The following DRC11 variants were observed in gnomAD, a reference collection of about 807,000 sequenced individuals.
DRC11 encodes dynein regulatory complex subunit 11.
chr2:236,491,188 GTA>G, the DRC11 span, among the ~76,000 whole-genome samples: 1,294 of 24,336 alleles, frequency 0.053, 51 homozygotes, highest in Middle Eastern at 0.12. Context: ...TATACACACA[GTA>G]TATATATATA....
chr2:236,309,112 G>A, the DRC11 span, among the ~76,000 whole-genome samples: 3 of 152,288 alleles, frequency 2.0e-5, no homozygotes, highest in African/African-American at 7.2e-5. The surrounding 1 kb of genome is among the most constrained non-coding windows in gnomAD (Gnocchi z 5.7). Context: ...GAATACACGT[G>A]TTACCTGCGC....
the DRC11 span, among the ~76,000 whole-genome samples, chr2:236,478,421 T>G: frequency 6.6e-6 from 1 of 152,200 alleles, no homozygotes; most frequent in African/African-American, 2.4e-5. This position sits in a 1 kb window ranked among gnomAD's most constrained non-coding sequence, Gnocchi z 5.9. Context: ...TGATATGATT[T>G]CAAATTTTTA....
chr2:236,416,261 G>C, the DRC11 span, among the ~76,000 whole-genome samples: 2 of 152,156 alleles, frequency 1.3e-5, no homozygotes, highest in Non-Finnish European at 2.9e-5. Flanking sequence ...CAAGGTGAGG[G>C]GGCTGGGCTT....
At chr2:236,481,066 T>C in the DRC11 span, among the ~76,000 whole-genome samples, 2 of 152,340 alleles carry the variant, frequency 1.3e-5, no homozygotes, top group South Asian at 2.1e-4. Flanking sequence ...CTAGTGGTTT[T>C]TGCCCAGGGG....
chr2:236,324,527 C>T, the DRC11 span: 1 of 557,148 alleles, frequency 1.8e-6, no homozygotes, highest in Non-Finnish European at 3.2e-6. The surrounding 1 kb of genome is among the most constrained non-coding windows in gnomAD (Gnocchi z 5.7). Context: ...GCGGCATCAG[C>T]TCACCTGCAC....
At chr2:236,469,635 T>C in the DRC11 span, among the ~76,000 whole-genome samples, 2 of 152,238 alleles carry the variant, frequency 1.3e-5, no homozygotes, top group African/African-American at 4.8e-5. This position sits in a 1 kb window ranked among gnomAD's most constrained non-coding sequence, Gnocchi z 5.8. Flanking sequence ...AGACTTTCTC[T>C]GACAAAAATA....
chr2:236,400,884 C>G, the DRC11 span, among the ~76,000 whole-genome samples: 2 of 152,198 alleles, frequency 1.3e-5, no homozygotes, highest in African/African-American at 2.4e-5. The surrounding 1 kb of genome is among the most constrained non-coding windows in gnomAD (Gnocchi z 7.9). Context: ...CACCAAACCC[C>G]ACTGTTCTGC....
chr2:236,379,255 G>C, the DRC11 span, among the ~76,000 whole-genome samples: 1 of 151,954 alleles, frequency 6.6e-6, no homozygotes, highest in Admixed American at 6.6e-5. Context: ...GGAAGCGGAG[G>C]GAACCCCCAA....
the DRC11 span, among the ~76,000 whole-genome samples, chr2:236,354,222 A>ACATG: frequency 1.2e-4 from 7 of 59,368 alleles, no homozygotes; most frequent in African/African-American, 6.1e-4. Flanking sequence ...ATGTGTGTGC[A>ACATG]TGTGCGTATG....
the DRC11 span, among the ~76,000 whole-genome samples, chr2:236,447,269 A>G: frequency 6.4e-3 from 965 of 151,758 alleles, 54 homozygotes; most frequent in African/African-American, 0.023. This position sits in a 1 kb window ranked among gnomAD's most constrained non-coding sequence, Gnocchi z 4.6. Context: ...ATCACTGCAG[A>G]AGGAACTGGC....
At chr2:236,352,083 C>G in the DRC11 span, among the ~76,000 whole-genome samples, 1 of 152,132 alleles carries the variant, frequency 6.6e-6, no homozygotes, top group Non-Finnish European at 1.5e-5. This position sits in a 1 kb window ranked among gnomAD's most constrained non-coding sequence, Gnocchi z 7.0. Flanking sequence ...CGGGGCCACA[C>G]AGGGAAGACG....
At chr2:236,368,540 T>TA in the DRC11 span, 1 of 467,570 alleles carries the variant, frequency 2.1e-6, no homozygotes, top group East Asian at 3.9e-5. Flanking sequence ...TGATGTTGAC[T>TA]ATTATATTAG....
At chr2:236,352,423 C>CTGG in the DRC11 span, among the ~76,000 whole-genome samples, 36 of 152,038 alleles carry the variant, frequency 2.4e-4, no homozygotes, top group African/African-American at 8.2e-4. The surrounding 1 kb of genome is among the most constrained non-coding windows in gnomAD (Gnocchi z 7.0). Flanking sequence ...GGAGGATGGG[C>CTGG]TGGGAGGAGA....
the DRC11 span, among the ~76,000 whole-genome samples, chr2:236,499,280 C>T: frequency 6.6e-6 from 1 of 152,190 alleles, no homozygotes; most frequent in African/African-American, 2.4e-5. The surrounding 1 kb of genome is among the most constrained non-coding windows in gnomAD (Gnocchi z 4.7). Context: ...CCTCCAATTT[C>T]AGCCCTGTCC....
the DRC11 span, among the ~76,000 whole-genome samples, chr2:236,436,173 G>C: frequency 6.6e-6 from 1 of 152,072 alleles, no homozygotes; most frequent in South Asian, 2.1e-4. Context: ...TTTTTCTTGT[G>C]TTAAATTCCT....
the DRC11 span, among the ~76,000 whole-genome samples, chr2:236,359,974 G>A: frequency 0.079 from 12,054 of 152,162 alleles, 644 homozygotes; most frequent in Non-Finnish European, 0.12. This position sits in a 1 kb window ranked among gnomAD's most constrained non-coding sequence, Gnocchi z 4.3. Context: ...CCAGCATTTT[G>A]CAGTCCACAC....
At chr2:236,308,652 C>T in the DRC11 span, among the ~76,000 whole-genome samples, 4 of 152,176 alleles carry the variant, frequency 2.6e-5, no homozygotes, top group East Asian at 5.8e-4. This position sits in a 1 kb window ranked among gnomAD's most constrained non-coding sequence, Gnocchi z 6.0. Flanking sequence ...AACATGGTAT[C>T]CTCTAGGCTC....
chr2:236,501,240 G>A, the DRC11 span, among the ~76,000 whole-genome samples: 9 of 152,052 alleles, frequency 5.9e-5, no homozygotes, highest in African/African-American at 2.2e-4. Context: ...GCACAAAAGG[G>A]GAAATCCACC....
the DRC11 span, among the ~76,000 whole-genome samples, chr2:236,375,217 C>T: frequency 1.3e-5 from 2 of 152,092 alleles, no homozygotes; most frequent in African/African-American, 4.8e-5. The surrounding 1 kb of genome is among the most constrained non-coding windows in gnomAD (Gnocchi z 4.2). Flanking sequence ...ACGGCTGACT[C>T]CACCCACTTT....
Sources: allele counts gnomAD v4.1 joint callset (sites outside exome capture counted in the v4.1 genomes callset), GRCh38; gene constraint gnomAD v4.1.1; non-coding constraint Gnocchi (gnomAD v3.1); transcripts MANE v1.5; gene names NCBI Gene and HGNC (gene_info 2026-07-23, HGNC 2026-07-21).